The following AFF2 variants were observed in gnomAD, a reference collection of about 807,000 sequenced individuals.
AFF2 encodes the protein ALF transcription elongation factor 2.
AFF2 carries 14 observed loss-of-function variants against 76.9 expected under a neutral mutation model. The observed-to-expected ratio is 0.18, with a 90% CI of 0.12 to 0.28. The LOEUF is 0.28. Among genes scored for constraint, AFF2 ranks in the 10% least tolerant of loss-of-function variants. The pLI is 1.00. For synonymous variants in AFF2, 398 were observed against 366.7 expected, an observed-to-expected ratio of 1.09 and a Z score of -0.98; for missense variants, 868 against 1,001.1, an observed-to-expected ratio of 0.87 and a Z score of 1.79.
intron 3 of AFF2, among the ~76,000 whole-genome samples, chrX:148,792,215 A>C (rs1557269989): frequency 8.9e-6 from 1 of 112,061 alleles, no homozygotes; most frequent in African/African-American, 3.2e-5. Context: ...TAGAGTTGTC[A>C]TGTAGAATAA....
chrX:148,957,918 C>A (rs190263614), intron 11 of AFF2, among the ~76,000 whole-genome samples: 1 of 112,436 alleles, frequency 8.9e-6, no homozygotes, highest in Non-Finnish European at 1.9e-5. Context: ...TGTAAGCAAC[C>A]TTTATATGTC....
intron 15 of AFF2, among the ~76,000 whole-genome samples, chrX:148,970,964 T>C (rs1454977818): frequency 9.0e-6 from 1 of 111,153 alleles, no homozygotes; most frequent in Non-Finnish European, 1.9e-5. Context: ...ATTTCATGAA[T>C]AGAAACTAGT....
chrX:148,856,381 A>G (rs1557275892), intron 7 of AFF2, among the ~76,000 whole-genome samples: 1 of 112,209 alleles, frequency 8.9e-6, no homozygotes, highest in East Asian at 2.8e-4. Context: ...ACATTTTACA[A>G]ATGAAGAACT....
intron 7 of AFF2, among the ~76,000 whole-genome samples, chrX:148,848,429 C>T (rs376556249): frequency 8.9e-6 from 1 of 111,974 alleles, no homozygotes; most frequent in Non-Finnish European, 1.9e-5. Flanking sequence ...CATTACAACC[C>T]TGGCCATCCT....
At position 148,997,302 on chromosome X, in the gene AFF2, C is replaced by G. The variant is rs1200718248; in HGVS notation, c.*5970C>G. On this transcript the variant is annotated 3_prime_UTR_variant, in exon 21 of 21. Coordinates refer to ENST00000370460, the MANE Select transcript of AFF2 (RefSeq NM_002025.4). ...CATTAAATACACACACACACACACTCACACACACACACATACACTTTTTAA... is the reference window on the plus strand; with the variant it reads ...CATTAAATACACACACACACACACTGACACACACACACATACACTTTTTAA... 1.0e-5 allele frequency: 1 copy of G among 99,463 alleles called. No homozygotes were observed. The highest frequency in any genetic ancestry group is 4.9e-5 in the African/African-American group (1 of 20,322). 8.2% of individuals were successfully genotyped at this position (99,463 alleles called of 1,213,427 possible). A position where few individuals can be genotyped will look rare whatever the true frequency, so the allele number is the denominator to read the frequency against.
intron 5 of AFF2, among the ~76,000 whole-genome samples, chrX:148,838,290 A>T (rs140884413): frequency 0.017 from 1,938 of 112,320 alleles, 41 homozygotes; most frequent in African/African-American, 0.059. Context: ...CTATTCTAAC[A>T]TACTTTAAAA....
intron 3 of AFF2, among the ~76,000 whole-genome samples, chrX:148,789,465 A>G (rs1293924142): frequency 2.7e-5 from 3 of 111,956 alleles, no homozygotes; most frequent in Non-Finnish European, 3.8e-5. Context: ...AAGCCAGAAT[A>G]GACCAAATAC....
At chrX:148,631,311 A>G (rs2053978529) in intron 1 of AFF2, among the ~76,000 whole-genome samples, 1 of 112,013 alleles carries the variant, frequency 8.9e-6, no homozygotes, top group Non-Finnish European at 1.9e-5. Context: ...AAAGCTCTCA[A>G]TTTTGCATAC....
intron 3 of AFF2, among the ~76,000 whole-genome samples, chrX:148,694,243 C>A (rs2054688441): frequency 9.1e-6 from 1 of 109,677 alleles, no homozygotes; most frequent in Non-Finnish European, 1.9e-5. Flanking sequence ...GTGCAGCGCA[C>A]CAGCATGTCA....
chrX:148,589,674 A>T (rs1284188015), intron 1 of AFF2, among the ~76,000 whole-genome samples: 3 of 110,896 alleles, frequency 2.7e-5, no homozygotes, highest in African/African-American at 9.8e-5. Context: ...GCTCTAGGGT[A>T]TGCATTTGTT....
chrX:148,694,183 G>C (rs1445821315), intron 3 of AFF2, among the ~76,000 whole-genome samples: 2 of 101,607 alleles, frequency 2.0e-5, no homozygotes, highest in Admixed American at 1.1e-4. Flanking sequence ...GTCGGGGGGG[G>C]GGAGGGATAG....
intron 15 of AFF2, among the ~76,000 whole-genome samples, chrX:148,971,747 C>CTTTTTTTTTTTTTTTTTTATTTT (rs2072257160): frequency 8.9e-5 from 4 of 44,731 alleles, no homozygotes; most frequent in African/African-American, 1.9e-4. Flanking sequence ...TTTTCTATTT[C>CTTTTTTTTTTTTTTTTTTATTTT]TTTTTTTTTT....
intron 3 of AFF2, among the ~76,000 whole-genome samples, chrX:148,697,163 C>T (rs1421922387): frequency 8.9e-6 from 1 of 112,285 alleles, no homozygotes; most frequent in Non-Finnish European, 1.9e-5. Context: ...AATGAGCAAC[C>T]TTAGAGCATG....
At chrX:148,913,774 C>T (rs1004807156) in intron 9 of AFF2, among the ~76,000 whole-genome samples, 3 of 112,223 alleles carry the variant, frequency 2.7e-5, no homozygotes, top group Admixed American at 9.4e-5. Context: ...GAATGGACAA[C>T]GCTGTTTAAT....
chrX:148,656,709 C>T (rs1379930497), intron 2 of AFF2, among the ~76,000 whole-genome samples: 1 of 108,147 alleles, frequency 9.2e-6, no homozygotes, highest in African/African-American at 3.4e-5. Flanking sequence ...ACCGTTTTAG[C>T]CGGGATGGTC....
At chrX:148,863,635 G>A (rs888964292) in intron 7 of AFF2, among the ~76,000 whole-genome samples, 4 of 111,344 alleles carry the variant, frequency 3.6e-5, no homozygotes, top group Non-Finnish European at 5.7e-5. Context: ...TAGATTTATG[G>A]TTATTCTTTG....
intron 7 of AFF2, among the ~76,000 whole-genome samples, chrX:148,849,779 AGAGG>A (rs2070712457): frequency 1.8e-5 from 2 of 111,718 alleles, no homozygotes; most frequent in African/African-American, 6.5e-5. Context: ...ACAGTAACAA[AGAGG>A]GAGGCAGAAC....
At chrX:148,875,011 A>G (rs1557277719) in intron 7 of AFF2, among the ~76,000 whole-genome samples, 1 of 112,109 alleles carries the variant, frequency 8.9e-6, no homozygotes, top group South Asian at 3.7e-4. Flanking sequence ...CTCATTTAAC[A>G]TGCACAGAAG....
At chrX:148,937,574 C>T (rs1557285144) in intron 9 of AFF2, among the ~76,000 whole-genome samples, 1 of 111,979 alleles carries the variant, frequency 8.9e-6, no homozygotes, top group Non-Finnish European at 1.9e-5. Context: ...AAAGGGTAAG[C>T]AGGTGTCTTC....
Sources: gnomAD v4.1 joint callset for allele counts (sites outside exome capture counted in the v4.1 genomes callset) on GRCh38, gnomAD v4.1.1 for gene constraint, MANE v1.5 for transcripts, NCBI Gene and HGNC (gene_info 2026-07-23, HGNC 2026-07-21) for gene names.